PDE4C: variants seen among roughly 807,000 people sequenced by gnomAD.
PDE4C encodes the protein 3',5'-cyclic-AMP phosphodiesterase 4C.
A neutral mutation model predicts 63.9 loss-of-function variants in PDE4C; 50 were observed. The observed-to-expected ratio is 0.78, with a 90% confidence interval of 0.62 to 0.99. The LOEUF is 0.99. Ranked by LOEUF, PDE4C falls within the 50% of genes least tolerant of loss-of-function variation. PDE4C has a pLI of 0.00. For synonymous variants in PDE4C, 377 were observed against 385.1 expected (o/e 0.98, Z 0.25); for missense variants, 777 against 899.1 (o/e 0.86, Z 1.74).
Position 18,220,965 on chromosome 19 carries a change from CGCCCCGCCCCCAAGTCCACCAG to C in PDE4C, c.450-64_450-43del. On this transcript the variant is annotated intron_variant, in intron 4 of 14. Transcript: ENST00000262805. The surrounding 1 kb of genome is among the most constrained non-coding windows in gnomAD (Gnocchi z 5.1). Reference sequence around the variant, plus strand: ...TCAGGCGTGGCTGCTCCGCCCATCTCGCCCCGCCCCCAAGTCCACCAGGCCCCGCCCCTCAAACCCACCTGGA... The same window carrying C: ...TCAGGCGTGGCTGCTCCGCCCATCTCGCCCCGCCCCTCAAACCCACCTGGA... 1.3e-6 allele frequency: 2 copies of C among 1,576,374 alleles called. No individual in the cohort carries two copies. Among genetic ancestry groups the C allele is most frequent in the African/African-American group, 1.3e-5 (1 of 74,754 alleles).
Position 18,226,441 on chromosome 19 carries a change from C to A in PDE4C, c.-26G>T, listed in dbSNP as rs774114607. ...CGCCAGGACTGCGTGGAGGCTGGAC[C>A]GAGCGCCGGCTGCGCGGGACCTTTT... is the stretch of plus-strand genomic sequence containing the variant. On this transcript the variant is annotated 5_prime_UTR_variant, in exon 1 of 15. Transcript: ENST00000262805. 8.8e-6 allele frequency: 12 copies of A among 1,368,014 alleles called. No homozygotes were observed. The African/African-American group carries it at 1.4e-4, about 16-fold the overall frequency. 84.7% of individuals were successfully genotyped at this position (1,368,014 alleles called of 1,614,324 possible).
downstream of PDE4C, chr19:18,208,396 G>A (rs1200391104): frequency 1.3e-5 from 2 of 152,234 alleles, no homozygotes; most frequent in East Asian, 1.9e-4. Flanking sequence ...TCGGAGGCCC[G>A]ACCAGCAGGA....
exon 14 of PDE4C, chr19:18,211,816 C>G (rs141956114): frequency 6.2e-6 from 10 of 1,614,234 alleles, no homozygotes; most frequent in Non-Finnish European, 7.6e-6. Flanking sequence ...TGTCCAGGCC[C>G]GACTCACGCT....
chr19:18,241,605 C>T (rs1969041597), intron 1 of PDE4C, among the ~76,000 whole-genome samples: 1 of 151,922 alleles, frequency 6.6e-6, no homozygotes, highest in East Asian at 1.9e-4. Context: ...CTGGAGCGTG[C>T]AGTGGTGCAG....
At chr19:18,251,676 A>ACACCCCCCC (rs1969230557), upstream of PDE4C, among the ~76,000 whole-genome samples, 2 of 23,594 alleles carry the variant, frequency 8.5e-5, no homozygotes, top group African/African-American at 2.3e-4. Context: ...CTCGTGATAC[A>ACACCCCCCC]CGCCCCCCCC....
chr19:18,229,142 G>A (rs1222355219), upstream of PDE4C, among the ~76,000 whole-genome samples: 1 of 142,718 alleles, frequency 7.0e-6, no homozygotes, highest in Non-Finnish European at 1.5e-5. Flanking sequence ...TAGAGACGAG[G>A]TTTCACTATA....
chr19:18,210,975 G>A, exon 15 of PDE4C: 14 of 1,614,056 alleles, frequency 8.7e-6, no homozygotes, highest in Non-Finnish European at 1.2e-5. Flanking sequence ...GTCTGGGCCG[G>A]CTTCAGGGGA....
upstream of PDE4C, chr19:18,252,383 C>T (rs1771653134): frequency 2.5e-6 from 1 of 399,040 alleles, no homozygotes; most frequent in Middle Eastern, 6.3e-4. Context: ...TGGGGGGTTC[C>T]CCTGAACTGT....
upstream of PDE4C, among the ~76,000 whole-genome samples, chr19:18,228,105 C>G (rs1403460907): frequency 6.6e-6 from 1 of 152,044 alleles, no homozygotes; most frequent in Non-Finnish European, 1.5e-5. Context: ...TATAGCCATC[C>G]CTAGGGGACA....
Position 18,220,151 on chromosome 19 carries a change from T to G in PDE4C, c.706+75A>C. ...TGGCTGTATCTCCCCCAGACTGAGG[T>G]CTATCATAGGAATCTTTCTTTTGTT... On this transcript the variant is annotated intron_variant, in intron 7 of 14. Coordinates refer to ENST00000262805, the Ensembl canonical transcript of PDE4C. The surrounding 1 kb of genome is among the most constrained non-coding windows in gnomAD (Gnocchi z 5.1). 8.5e-7 allele frequency: 1 copy of G among 1,175,360 alleles called. No individual in the cohort carries two copies. The highest frequency in any genetic ancestry group is 1.3e-5 in the South Asian group (1 of 80,000). The allele number at this position is 1,175,360 out of a possible 1,614,324, so 72.8% of individuals were successfully genotyped here.
upstream of PDE4C, among the ~76,000 whole-genome samples, chr19:18,238,164 G>A (rs1968984671): frequency 6.6e-6 from 1 of 151,994 alleles, no homozygotes. Flanking sequence ...GGTCAAGGCT[G>A]TAGTGAGCCA....
chr19:18,218,516 C>T lies in PDE4C; in HGVS notation c.970-18G>A, dbSNP rs79702932. On this transcript the variant is annotated intron_variant, in intron 9 of 14. Transcript: ENST00000262805. ...TCCCGCTCCTGGTCCATCACAGACCCTGGCTCAGGGCCTTGGCCTTGGGGC... is the reference window on the plus strand; with the variant it reads ...TCCCGCTCCTGGTCCATCACAGACCTTGGCTCAGGGCCTTGGCCTTGGGGC... The T allele has an allele frequency of 3.0e-3, 4,808 of 1,613,766 alleles. 141 individuals are homozygous for T. The African/African-American group carries it at 0.056, about 19-fold the overall frequency.
In PDE4C at chr19:18,223,190, G is replaced by A. The variant is rs902891745; in HGVS notation, c.147-867C>T. ...CCCAAGTAGCTGGGATTACAGGTGCGCACCACCACGCCCGGCTAATTTTTT... is the reference window on the plus strand; with the variant it reads ...CCCAAGTAGCTGGGATTACAGGTGCACACCACCACGCCCGGCTAATTTTTT... On this transcript the variant is annotated intron_variant, in intron 1 of 14. Transcript: ENST00000262805. Among the ~76,000 whole-genome samples the A allele has an allele frequency of 3.0e-4, 44 of 148,418 alleles. 1 individual carries two copies. Among genetic ancestry groups the A allele is most frequent in the African/African-American group, 9.9e-5 (4 of 40,344 alleles).
chr19:18,220,700 C>A lies in PDE4C; in HGVS notation c.499+174G>T. On this transcript the variant is annotated intron_variant, in intron 5 of 14. Transcript: ENST00000262805. The surrounding 1 kb of genome is among the most constrained non-coding windows in gnomAD (Gnocchi z 5.1). ...TGACCATGAGATCTCTGGGCCTCAG[C>A]CTCCTCATCTGTAATATGAGTGTGG... The A allele has an allele frequency of 1.3e-6, 1 of 787,800 alleles. No homozygotes were observed. The highest frequency in any genetic ancestry group is 2.1e-6 in the Non-Finnish European group (1 of 479,318). The allele number at this position is 787,800 out of a possible 1,614,324, so 48.8% of individuals were successfully genotyped here. A position where few individuals can be genotyped will look rare whatever the true frequency, so the allele number is the denominator to read the frequency against.
upstream of PDE4C, among the ~76,000 whole-genome samples, chr19:18,250,773 A>ATT (rs571142608): frequency 5.9e-4 from 73 of 124,642 alleles, no homozygotes; most frequent in Middle Eastern, 4.5e-3. Context: ...TGCCTGGACA[A>ATT]TTTTTTTTTT....
At chr19:18,232,752 A>G (rs897922639) in intron 1 of PDE4C, among the ~76,000 whole-genome samples, 1 of 152,102 alleles carries the variant, frequency 6.6e-6, no homozygotes, top group Non-Finnish European at 1.5e-5. Flanking sequence ...ACCCGGTCAC[A>G]CAGACCCACA....
At chr19:18,243,534 G>A (rs1969079377) in intron 1 of PDE4C, among the ~76,000 whole-genome samples, 1 of 152,174 alleles carries the variant, frequency 6.6e-6, no homozygotes, top group South Asian at 2.1e-4. Context: ...CTTTGGGTGG[G>A]TTCCAATTTC....
exon 1 of PDE4C, chr19:18,233,143 T>A (rs781678465): frequency 6.4e-7 from 1 of 1,558,810 alleles, no homozygotes; most frequent in South Asian, 1.2e-5. Flanking sequence ...CGAGAGCGAC[T>A]CAACCTGCTG....
exon 8 of PDE4C, chr19:18,219,268 C>A: frequency 6.2e-7 from 1 of 1,614,168 alleles, no homozygotes; most frequent in Non-Finnish European, 8.5e-7. Context: ...AGTCTGGACC[C>A]CAAAGCGTGG....
Sources: allele counts gnomAD v4.1 joint callset (sites outside exome capture counted in the v4.1 genomes callset), GRCh38; gene constraint gnomAD v4.1.1; non-coding constraint Gnocchi (gnomAD v3.1); transcripts MANE v1.5; gene names NCBI Gene and HGNC (gene_info 2026-07-23, HGNC 2026-07-21).